RFT1: variants seen among roughly 807,000 people sequenced by gnomAD.
RFT1 encodes the protein RFT1 glycolipid translocator homolog.
In RFT1, 43 loss-of-function variants were observed where a neutral mutation model predicts 62.2. The observed-to-expected ratio is 0.69, with a 90% CI of 0.54 to 0.89. RFT1 has a LOEUF of 0.89. Ranked by LOEUF, RFT1 falls within the 40% of genes least tolerant of loss-of-function variation. RFT1 has a pLI of 0.00. For synonymous variants in RFT1, 262 were observed against 264.6 expected, an observed-to-expected ratio of 0.99 and a Z score of 0.10; for missense variants, 605 against 649.9, an observed-to-expected ratio of 0.93 and a Z score of 0.75.
At position 53,123,817 on chromosome 3, in the gene RFT1, G is replaced by A. The variant is rs777579636; in HGVS notation, c.173C>T (p.Thr58Ile). 1.4e-5 allele frequency: 23 copies of A among 1,614,042 alleles called. No individual in the cohort carries two copies. The highest frequency in any genetic ancestry group is 1.9e-5 in the Non-Finnish European group (23 of 1,179,986). Residue 58 changes from threonine to isoleucine, a missense_variant, in exon 3 of 13, where the codon ACC becomes ATC. Physicochemically the swap from Thr to Ile is moderately conservative, Grantham distance 89 (BLOSUM62 -1). Transcript: ENST00000296292. ...NVRLTLLYSTTLFLAREAFRR... is the reference protein window; with the variant it reads ...NVRLTLLYSTILFLAREAFRR... ...GAAGGCCTCTCTGGCCAGGAAGAGG[G>A]TGGTTGAGTAAAGCAGCGTTAGTCT...
At chr3:53,107,116 A>C (rs1173942285) in intron 7 of RFT1, among the ~76,000 whole-genome samples, 2 of 149,750 alleles carry the variant, frequency 1.3e-5, no homozygotes, top group African/African-American at 2.5e-5. Flanking sequence ...AAAAAATAAA[A>C]ATAAAACAAG....
chr3:53,068,317 AC>A, the RFT1 span, among the ~76,000 whole-genome samples: 8 of 148,864 alleles, frequency 5.4e-5, no homozygotes, highest in South Asian at 2.2e-4. Context: ...TGCAGGAGAG[AC>A]CCCCCCCACC....
In RFT1 at chr3:53,089,031, A is replaced by C. The variant is rs987642902; in HGVS notation, c.*2872T>G. On this transcript the variant is annotated 3_prime_UTR_variant, in exon 13 of 13. Transcript: ENST00000296292. ...GCGCCTGTAGCCCCAGCTACTCAGGAGGCTGAGGCAAGAGAATCGCTTGAA... is the reference window on the plus strand; with the variant it reads ...GCGCCTGTAGCCCCAGCTACTCAGGCGGCTGAGGCAAGAGAATCGCTTGAA... 2.0e-5 allele frequency: 3 copies of C among 152,268 alleles called. No individual in the cohort carries two copies. The highest frequency in any genetic ancestry group is 7.2e-5 in the African/African-American group (3 of 41,428). 9.4% of individuals were successfully genotyped at this position (152,268 alleles called of 1,614,324 possible).
In RFT1 at chr3:53,092,468, G is replaced by A. The variant is rs773234530; in HGVS notation, c.1359C>T (p.Tyr453=). The A allele has an allele frequency of 6.2e-7, 1 of 1,612,334 alleles. No individual in the cohort carries two copies. Among genetic ancestry groups the A allele is most frequent in the Non-Finnish European group, 8.5e-7 (1 of 1,179,514 alleles). The change falls in exon 12 of 13, where the codon TAC becomes TAT. Residue 453 remains tyrosine, a synonymous_variant. Coordinates refer to ENST00000296292, the MANE Select transcript of RFT1 (RefSeq NM_052859.4). ...ITQSLCFIHR[Y]YRRSPHRPLA... is the part of the protein sequence containing the mutation. ...GGGGCCTGTGGGGGCTCCTTCGGTAGTAGCGGTGGATGAAGCAAAGGCTCT... is the reference window on the plus strand; with the variant it reads ...GGGGCCTGTGGGGGCTCCTTCGGTAATAGCGGTGGATGAAGCAAAGGCTCT...
downstream of RFT1, among the ~76,000 whole-genome samples, chr3:53,087,818 GC>G (rs1700887975): frequency 6.6e-6 from 1 of 152,216 alleles, no homozygotes; most frequent in African/African-American, 2.4e-5. Context: ...ACAACGCCTG[GC>G]CCGGCAAAGA....
intron 6 of RFT1, among the ~76,000 whole-genome samples, chr3:53,113,899 CCT>C (rs1443496685): frequency 7.2e-5 from 11 of 152,160 alleles, no homozygotes; most frequent in Non-Finnish European, 1.6e-4. Context: ...GGTTTCTGAG[CCT>C]TTTTTCCAGA....
At chr3:53,127,731 T>C (rs1040481798) in intron 1 of RFT1, among the ~76,000 whole-genome samples, 2 of 151,436 alleles carry the variant, frequency 1.3e-5, no homozygotes, top group Non-Finnish European at 2.9e-5. Flanking sequence ...AAGCCAGGAA[T>C]TTGAGACCAG....
At chr3:53,070,393 G>GTTTT in the RFT1 span, among the ~76,000 whole-genome samples, 1,881 of 85,434 alleles carry the variant, frequency 0.022, 376 homozygotes, top group African/African-American at 0.08. Flanking sequence ...CTGTATTATG[G>GTTTT]TTTTTTTTTT....
chr3:53,109,885 A>G (rs7615099), intron 7 of RFT1, among the ~76,000 whole-genome samples: 40,965 of 152,030 alleles, frequency 0.27, 6,011 homozygotes, highest in Middle Eastern at 0.39. Flanking sequence ...TAGTTTTAAA[A>G]ATATATCGAA....
At chr3:53,076,936 A>C in the RFT1 span, among the ~76,000 whole-genome samples, 5 of 150,622 alleles carry the variant, frequency 3.3e-5, no homozygotes, top group East Asian at 5.8e-4. Context: ...TGGGCAACAG[A>C]GGGAGACCTC....
chr3:53,096,338 A>G (rs1156272314), intron 11 of RFT1, among the ~76,000 whole-genome samples: 1 of 152,130 alleles, frequency 6.6e-6, no homozygotes, highest in Non-Finnish European at 1.5e-5. Context: ...AATAAGGCAT[A>G]ATGAAAAATC....
At chr3:53,127,428 G>A (rs959861223) in intron 1 of RFT1, among the ~76,000 whole-genome samples, 4 of 149,614 alleles carry the variant, frequency 2.7e-5, no homozygotes, top group African/African-American at 4.9e-5. Flanking sequence ...TTAGCTGGGC[G>A]CAGTGGCTCA....
At chr3:53,086,977 C>G (rs976960608), downstream of RFT1, among the ~76,000 whole-genome samples, 1 of 152,176 alleles carries the variant, frequency 6.6e-6, no homozygotes, top group Non-Finnish European at 1.5e-5. Context: ...GTGGCTCACG[C>G]CTGTAATCCC....
downstream of RFT1, among the ~76,000 whole-genome samples, chr3:53,087,275 A>T (rs2107055183): frequency 6.6e-6 from 1 of 151,968 alleles, no homozygotes; most frequent in East Asian, 1.9e-4. Context: ...CCCTGTTCGG[A>T]TTCTCTCTCT....
chr3:53,096,984 A>T (rs1322027385), intron 11 of RFT1, among the ~76,000 whole-genome samples: 2 of 152,062 alleles, frequency 1.3e-5, no homozygotes, highest in Non-Finnish European at 2.9e-5. Context: ...ACCTCAGGTG[A>T]TCCACCTGCT....
rs1034569196 is a variant in RFT1 at position 53,092,509 on chromosome 3, C to T, written c.1318G>A (p.Gly440Ser). Residue 440 changes from glycine to serine, a missense_variant, in exon 12 of 13, where the codon GGC becomes AGC. Physicochemically the swap from Gly to Ser is moderately conservative, Grantham distance 56. Transcript: ENST00000296292. ...CAAAGGCTCTGCGTGATCCGAATGC[C>T]CATGTTAAAGCAGTTGGCCAAGATG... ...GFILANCFNM[G>S]IRITQSLCFI... The T allele has an allele frequency of 1.2e-6, 2 of 1,612,442 alleles. No individual in the cohort carries two copies. Among genetic ancestry groups the T allele is most frequent in the Non-Finnish European group, 1.7e-6 (2 of 1,179,628 alleles).
rs1274605061 is a variant in RFT1, at chr3:53,091,918, A to G, written c.1611T>C (p.Thr537=). 1 of 1,614,222 alleles carries G rather than the reference A, an allele frequency of 6.2e-7. No homozygotes were observed. The highest frequency in any genetic ancestry group is 2.2e-5 in the East Asian group (1 of 44,876). The change falls in exon 13 of 13, where the codon ACT becomes ACC. Residue 537 remains threonine, a synonymous_variant. Transcript: ENST00000296292. ...LRTQLGVPRR[T]DKMT is the part of the protein sequence containing the mutation. ...TTCCCTGAAGTCATGTCATTTTGTC[A>G]GTGCGTCTGGGCACACCTAACTGAG... is the stretch of plus-strand genomic sequence containing the variant.
At chr3:53,105,624 C>G in intron 9 of RFT1, 49 bp downstream of exon 9, 1 of 1,602,898 alleles carries the variant, frequency 6.2e-7, no homozygotes, top group Middle Eastern at 1.7e-4. Context: ...GTCTGTCTTG[C>G]AATTAAAGGG....
chr3:53,102,455 T>C (rs1012116631), intron 10 of RFT1, among the ~76,000 whole-genome samples: 9 of 152,246 alleles, frequency 5.9e-5, no homozygotes, highest in Admixed American at 5.2e-4. Context: ...GTAAGAAATC[T>C]TGGGGAAATT....
Sources: allele counts gnomAD v4.1 joint callset (sites outside exome capture counted in the v4.1 genomes callset), GRCh38; gene constraint gnomAD v4.1.1; transcripts MANE v1.5; gene names NCBI Gene and HGNC (gene_info 2026-07-23, HGNC 2026-07-21).